The following TACC2 variants were observed in gnomAD, a reference collection of about 807,000 sequenced individuals.
TACC2 encodes the protein transforming acidic coiled-coil containing protein 2.
A neutral mutation model predicts 227.3 loss-of-function variants in TACC2; 137 were observed. That is an observed-to-expected ratio of 0.60 (90% confidence interval 0.52 to 0.69). The LOEUF is 0.69. Among genes scored for constraint, TACC2 ranks in the 30% least tolerant of loss-of-function variants. The pLI, the probability that TACC2 is intolerant of heterozygous loss-of-function variation, is 0.00. For synonymous variants in TACC2, 1,523 were observed against 1,487.5 expected, an observed-to-expected ratio of 1.02 and a Z score of -0.55; for missense variants, 3,470 against 3,694.4, an observed-to-expected ratio of 0.94 and a Z score of 1.57.
At chr10:122,056,846 T>A (rs2459100) in intron 3 of TACC2, among the ~76,000 whole-genome samples, 120,835 of 152,106 alleles carry the variant, frequency 0.79, 48,461 homozygotes, top group East Asian at 0.95. Context: ...TTGAGATTTT[T>A]TCCTGAAGGT....
At chr10:121,995,396 T>C (rs1953315946) in intron 1 of TACC2, among the ~76,000 whole-genome samples, 1 of 152,234 alleles carries the variant, frequency 6.6e-6, no homozygotes, top group Non-Finnish European at 1.5e-5. Flanking sequence ...TACTGTTTCA[T>C]ACCCTGTTCC....
intron 3 of TACC2, among the ~76,000 whole-genome samples, chr10:122,072,330 T>TTTTG (rs932557189): frequency 1.3e-5 from 2 of 152,100 alleles, no homozygotes; most frequent in Non-Finnish European, 2.9e-5. Context: ...CACGTACTTG[T>TTTTG]TTTGTTTGTT....
Position 122,132,685 on chromosome 10 carries a change from T to C in TACC2, c.5650T>C (p.Tyr1884His), listed in dbSNP as rs751970211. The change falls in exon 6 of 23, where the codon TAC becomes CAC. Residue 1884 changes from tyrosine to histidine, a missense_variant. Tyr to His is a moderately conservative substitution (Grantham distance 83). Transcript: ENST00000369005. ...LESPTLAASS[Y>H]HGDVVGQVST... ...AAGCCCAACCTTAGCTGCCTCTTCC[T>C]ACCACGGTGATGTTGTTGGCCAGGT... 21 of 1,614,108 alleles carry C rather than the reference T, an allele frequency of 1.3e-5. No homozygotes were observed. The South Asian group carries it at 1.3e-4, about 10-fold the overall frequency.
chr10:122,039,637 A>C (rs2074005485), intron 2 of TACC2, among the ~76,000 whole-genome samples: 1 of 152,212 alleles, frequency 6.6e-6, no homozygotes, highest in Non-Finnish European at 1.5e-5. Flanking sequence ...GCCTCTAGGC[A>C]GTGAGCCGGC....
At chr10:121,999,905 T>G (rs931656568) in intron 1 of TACC2, among the ~76,000 whole-genome samples, 11 of 152,236 alleles carry the variant, frequency 7.2e-5, no homozygotes, top group Non-Finnish European at 1.6e-4. Context: ...TATGTTCATA[T>G]GTGGCAAGAT....
chr10:122,000,474 C>T (rs1385728283), intron 1 of TACC2, among the ~76,000 whole-genome samples: 3 of 152,300 alleles, frequency 2.0e-5, no homozygotes, highest in South Asian at 4.1e-4. Flanking sequence ...GAAGAGATGA[C>T]CTGATTCCAA....
intron 3 of TACC2, among the ~76,000 whole-genome samples, chr10:122,061,514 G>A (rs1209119918): frequency 6.6e-6 from 1 of 152,170 alleles, no homozygotes; most frequent in Admixed American, 6.6e-5. Context: ...CCGGGCTTGT[G>A]CTGGGGGAAT....
At chr10:122,185,348 A>G (rs1328023034) in intron 7 of TACC2, among the ~76,000 whole-genome samples, 3 of 151,942 alleles carry the variant, frequency 2.0e-5, no homozygotes, top group Non-Finnish European at 4.4e-5. Flanking sequence ...GGCACATGCC[A>G]CCATGCCCAG....
intron 12 of TACC2, 125 bp downstream of exon 12, chr10:122,224,912 C>T (rs944298938): frequency 2.6e-6 from 2 of 768,356 alleles, no homozygotes; most frequent in African/African-American, 1.7e-5. Context: ...TACACAGCTT[C>T]CCGGGTGCAC....
chr10:122,201,798 A>G (rs1248885257), intron 8 of TACC2, among the ~76,000 whole-genome samples: 1 of 152,140 alleles, frequency 6.6e-6, no homozygotes, highest in Non-Finnish European at 1.5e-5. Flanking sequence ...GACATTTGAT[A>G]ATAATAATAG....
chr10:122,017,818 C>CA (rs5788525), intron 1 of TACC2, among the ~76,000 whole-genome samples: 7,065 of 74,764 alleles, frequency 0.094, 485 homozygotes, highest in Non-Finnish European at 0.11. Flanking sequence ...GAAACTGTCT[C>CA]AAAAAAAAAA....
intron 6 of TACC2, among the ~76,000 whole-genome samples, chr10:122,139,787 T>C (rs1386999779): frequency 6.6e-6 from 1 of 152,210 alleles, no homozygotes; most frequent in Non-Finnish European, 1.5e-5. Context: ...AAATGGGAGA[T>C]AAGATGCTGT....
At chr10:122,253,477 C>T (rs763018894) in intron 22 of TACC2, among the ~76,000 whole-genome samples, 7 of 152,134 alleles carry the variant, frequency 4.6e-5, no homozygotes, top group Non-Finnish European at 8.8e-5. Flanking sequence ...GCATCTGCCC[C>T]CCACCCCCCA....
chr10:122,037,650 G>A (rs556163366), intron 2 of TACC2, among the ~76,000 whole-genome samples: 1 of 152,346 alleles, frequency 6.6e-6, no homozygotes, highest in Non-Finnish European at 1.5e-5. Flanking sequence ...GATGGTCTTT[G>A]AGCCTTTGCA....
chr10:122,004,288 C>A (rs1954789410), intron 1 of TACC2, among the ~76,000 whole-genome samples: 1 of 151,826 alleles, frequency 6.6e-6, no homozygotes, highest in Admixed American at 6.6e-5. Flanking sequence ...GTCCCAGATA[C>A]TCAGGAGGCT....
At chr10:122,071,105 T>G (rs2078007055) in intron 3 of TACC2, among the ~76,000 whole-genome samples, 1 of 152,194 alleles carries the variant, frequency 6.6e-6, no homozygotes, top group African/African-American at 2.4e-5. Flanking sequence ...ATGTTTATAC[T>G]CAGGTAAATA....
chr10:122,095,998 A>T (rs1384924414), intron 5 of TACC2, among the ~76,000 whole-genome samples: 3 of 152,246 alleles, frequency 2.0e-5, no homozygotes. Context: ...AATCCTTGCC[A>T]TCAGAGCCAG....
At position 122,211,590 on chromosome 10, in the gene TACC2, A is replaced by T. The variant is rs372356560; in HGVS notation, c.7165A>T (p.Ser2389Cys). ...CTTTAAGACATCCTCTAAGACCCCC[A>T]GCTCACCTTCTAAATCCCCAGCCTC... ...DPFKTSSKTP[S>C]SPSKSPASFE... Residue 2389 changes from serine to cysteine, a missense_variant, in exon 9 of 23, where the codon AGC becomes TGC. Ser to Cys is a moderately radical substitution (Grantham distance 112, BLOSUM62 -1). Transcript: ENST00000369005. 5 of 1,613,906 alleles carry T rather than the reference A, an allele frequency of 3.1e-6. No homozygotes were observed. In the African/African-American group the frequency reaches 6.7e-5, roughly 22 times the overall value.
At chr10:122,204,728 A>G (rs2095044885) in intron 8 of TACC2, among the ~76,000 whole-genome samples, 1 of 151,960 alleles carries the variant, frequency 6.6e-6, no homozygotes, top group South Asian at 2.1e-4. Flanking sequence ...GCCACTTAGG[A>G]GGGTGAAGCC....
Sources: allele counts gnomAD v4.1 joint callset (sites outside exome capture counted in the v4.1 genomes callset), GRCh38; gene constraint gnomAD v4.1.1; transcripts MANE v1.5; gene names NCBI Gene and HGNC (gene_info 2026-07-23, HGNC 2026-07-21).